SLC46A1: variants seen among roughly 807,000 people sequenced by gnomAD.
SLC46A1 encodes solute carrier family 46 member 1.
In SLC46A1, 17 loss-of-function variants were observed where a neutral mutation model predicts 32.1. That is an observed-to-expected ratio of 0.53 (90% CI 0.36 to 0.79). The LOEUF (loss-of-function observed/expected upper bound fraction) is 0.79, where lower values mean the gene tolerates loss of function less well. Ranked by LOEUF, SLC46A1 falls within the 30% of genes least tolerant of loss-of-function variation. The probability of loss-of-function intolerance (pLI) is 0.00; values close to 1 mark genes in which losing one functional copy is unlikely to be tolerated. For synonymous variants in SLC46A1, 240 were observed against 262.7 expected, an observed-to-expected ratio of 0.91 and a Z score of 0.84; for missense variants, 517 against 588.2, an observed-to-expected ratio of 0.88 and a Z score of 1.25.
chr17:28,397,874 C>T lies in SLC46A1; in HGVS notation c.*1782G>A, dbSNP rs2068149495. 6.5e-6 allele frequency: 1 copy of T among 152,906 alleles called. No individual in the cohort carries two copies. The highest frequency in any genetic ancestry group is 1.5e-5 in the Non-Finnish European group (1 of 68,576). 9.5% of individuals were successfully genotyped at this position (152,906 alleles called of 1,614,324 possible). On this transcript the variant is annotated 3_prime_UTR_variant, in exon 5 of 5. Coordinates refer to ENST00000612814, the MANE Select transcript of SLC46A1 (RefSeq NM_080669.6). Reference sequence around the variant, plus strand: ...AAAGCTGGCTGCGCCCCCAGCCCCACTCTTGGCTGTGCTGGCCAGGTGACT... The same window carrying T: ...AAAGCTGGCTGCGCCCCCAGCCCCATTCTTGGCTGTGCTGGCCAGGTGACT...
In SLC46A1 at chr17:28,396,344, G is replaced by C; in HGVS notation, c.*3312C>G. On this transcript the variant is annotated 3_prime_UTR_variant, in exon 5 of 5. Transcript: ENST00000612814. ...TCCATTTCCATCGTCCTTTCTGAAG[G>C]AACAGCTCCTGAAACCAGTCTCCCT... is the stretch of plus-strand genomic sequence containing the variant. 6.2e-7 allele frequency: 1 copy of C among 1,602,340 alleles called. No individual in the cohort carries two copies. The highest frequency in any genetic ancestry group is 8.5e-7 in the Non-Finnish European group (1 of 1,172,176).
intron 3 of SLC46A1, 126 bp downstream of exon 3, chr17:28,402,112 G>T: frequency 1.4e-6 from 1 of 735,544 alleles, no homozygotes. Flanking sequence ...TGTTTGTTTT[G>T]GCCACTTACT....
chr17:28,404,359 G>T, intron 2 of SLC46A1: 1 of 536,418 alleles, frequency 1.9e-6, no homozygotes, highest in Admixed American at 3.2e-5. Flanking sequence ...TTTGTCTTTT[G>T]CTCTATATTA....
rs782804151 is a variant in SLC46A1 at position 28,396,214 on chromosome 17, C to A, written c.*3442G>T. The A allele has an allele frequency of 1.9e-6, 3 of 1,614,016 alleles. No homozygotes were observed. The highest frequency in any genetic ancestry group is 2.5e-6 in the Non-Finnish European group (3 of 1,179,870). ...AGAAGATCATCCGCTTCCTGCAGGG[C>A]CGCTCCTCCCGGGACTCATCTGCAG... On this transcript the variant is annotated 3_prime_UTR_variant, in exon 5 of 5. Transcript: ENST00000612814.
In SLC46A1 at chr17:28,395,869, A is replaced by C; in HGVS notation, c.*3787T>G. ...TGGCTACAAGGGTCCCTAGATGGGT[A>C]CAGGGGTATCTTCCTCCTTTCCTTT... is the stretch of plus-strand genomic sequence containing the variant. On this transcript the variant is annotated 3_prime_UTR_variant, in exon 5 of 5. Coordinates refer to ENST00000612814, the MANE Select transcript of SLC46A1 (RefSeq NM_080669.6). 1 of 1,611,052 alleles carries C rather than the reference A, an allele frequency of 6.2e-7. No homozygotes were observed. Among genetic ancestry groups the C allele is most frequent in the East Asian group, 2.2e-5 (1 of 44,864 alleles).
chr17:28,401,448 A>T (rs2068196558), intron 3 of SLC46A1: 1 of 154,672 alleles, frequency 6.5e-6, no homozygotes. Context: ...TGGGCTCTGT[A>T]TGGCACCAGA....
At chr17:28,404,234 G>A (rs2068228002) in intron 2 of SLC46A1, 1 of 244,812 alleles carries the variant, frequency 4.1e-6, no homozygotes, top group Non-Finnish European at 8.2e-6. Flanking sequence ...GGTAGGTCCT[G>A]TGATTCTTAT....
intron 3 of SLC46A1, 99 bp downstream of exon 3, chr17:28,402,139 G>C (rs2068203187): frequency 9.7e-7 from 1 of 1,029,980 alleles, no homozygotes; most frequent in Non-Finnish European, 1.4e-6. Flanking sequence ...GGGTGAGAGG[G>C]GGGAAGGCAA....
In SLC46A1 at chr17:28,395,734, A is replaced by G; in HGVS notation, c.*3922T>C. 2 of 654,964 alleles carry G rather than the reference A, an allele frequency of 3.1e-6. No homozygotes were observed. The highest frequency in any genetic ancestry group is 2.6e-6 in the Non-Finnish European group (1 of 386,842). 40.6% of individuals were successfully genotyped at this position (654,964 alleles called of 1,614,324 possible). The stretch of plus-strand genomic sequence containing the variant: ...CAGGAACTCTGGGCAAAGGAAAAAT[A>G]TTTATTTTTTATTACACTACAAGGG... On this transcript the variant is annotated 3_prime_UTR_variant, in exon 5 of 5. Coordinates refer to ENST00000612814, the MANE Select transcript of SLC46A1 (RefSeq NM_080669.6).
chr17:28,400,123 G>C (rs774508059), intron 4 of SLC46A1: 3 of 231,398 alleles, frequency 1.3e-5, no homozygotes, highest in Non-Finnish European at 1.7e-5. Flanking sequence ...TTGAATTCCC[G>C]GGCTCAAGTG....
At position 28,405,072 on chromosome 17, in the gene SLC46A1, C is replaced by T; in HGVS notation, c.625G>A (p.Ala209Thr). 6.2e-7 allele frequency: 1 copy of T among 1,613,990 alleles called. No homozygotes were observed. The highest frequency in any genetic ancestry group is 1.1e-5 in the South Asian group (1 of 91,088). ...GCCAAGGCCAGCCAGAAGGGGTTGG[C>T]ATAACCCTGGGCCCGGAGCCAGTGG... ...GGHWLRAQGY[A>T]NPFWLALALL... The change falls in exon 2 of 5, where the codon GCC becomes ACC. Residue 209 changes from alanine to threonine, a missense_variant. By Grantham distance (58) the Ala-to-Thr change is moderately conservative. Transcript: ENST00000612814.
At chr17:28,401,086 C>T (rs2068192417) in intron 3 of SLC46A1, 1 of 372,418 alleles carries the variant, frequency 2.7e-6, no homozygotes, top group African/African-American at 2.1e-5. Flanking sequence ...ATGGAAATGG[C>T]TTTTTTCTGG....
chr17:28,404,698 C>T lies in SLC46A1; in HGVS notation c.999G>A (p.Trp333Ter), dbSNP rs782221502. 3 of 1,613,824 alleles carry T rather than the reference C, an allele frequency of 1.9e-6. No individual in the cohort carries two copies. Among genetic ancestry groups the T allele is most frequent in the Non-Finnish European group, 2.5e-6 (3 of 1,179,834 alleles). ...TGAAGGCCAGGCCGATCTCAGCTAC[C>T]CAGGCATCGGCCAGGCAGTACTGCA... ...KLLQYCLADA[W>*]VAEIGLAFNI... is the part of the protein sequence containing the mutation. The change falls in exon 2 of 5, where the codon TGG becomes TGA. Residue 333 changes from tryptophan to a stop codon, truncating the protein, a stop_gained. Coordinates refer to ENST00000612814, the MANE Select transcript of SLC46A1 (RefSeq NM_080669.6). LOFTEE classifies it high-confidence loss of function.
In SLC46A1 at chr17:28,400,736, T is replaced by C; in HGVS notation, c.1196A>G (p.Asn399Ser). ...GGAGGCCGTCAGCATGGCCAGGCTA[T>C]TCACACAGGCCACAGCAGAAAAGAG... ...GALFSAVACVNSLAMLTASGI... is the reference protein window; with the variant it reads ...GALFSAVACVSSLAMLTASGI... Residue 399 changes from asparagine to serine, a missense_variant, in exon 4 of 5, where the codon AAT (asparagine) becomes AGT (serine). Transcript: ENST00000612814. 2 of 1,593,796 alleles carry C rather than the reference T, an allele frequency of 1.3e-6. No individual in the cohort carries two copies. Among genetic ancestry groups the C allele is most frequent in the Non-Finnish European group, 1.7e-6 (2 of 1,170,184 alleles).
chr17:28,405,344 A>G lies in SLC46A1; in HGVS notation c.353T>C (p.Val118Ala), dbSNP rs1376687492. 1.3e-5 allele frequency: 20 copies of G among 1,590,040 alleles called. 1 individual carries two copies. Among genetic ancestry groups the G allele is most frequent in the Middle Eastern group, 1.7e-4 (1 of 6,054 alleles). Residue 118 changes from valine (V) to alanine (A), a missense_variant, in exon 2 of 5, where the codon GTG (valine) becomes GCG (alanine). Coordinates refer to ENST00000612814, the MANE Select transcript of SLC46A1 (RefSeq NM_080669.6). ...SDSVGRRPLL[V>A]LASLGLLLQA... is the part of the protein sequence containing the mutation. ...GAGCAGCAGGCCCAGCGAGGCCAGCACTAGCAGCGGGCGGCGGCCCACACT... is the reference window on the plus strand; with the variant it reads ...GAGCAGCAGGCCCAGCGAGGCCAGCGCTAGCAGCGGGCGGCGGCCCACACT...
intron 1 of SLC46A1, 45 bp downstream of exon 1, chr17:28,405,842 C>T (rs1555591236): frequency 6.6e-7 from 1 of 1,524,634 alleles, no homozygotes; most frequent in South Asian, 1.2e-5. Flanking sequence ...CCCCACGCTC[C>T]AGACCAGGGC....
Position 28,402,341 on chromosome 17 carries a change from C to T in SLC46A1, c.1082-20G>A, listed in dbSNP as rs192028857. 2 of 1,607,542 alleles carry T rather than the reference C, an allele frequency of 1.2e-6. No homozygotes were observed. Among genetic ancestry groups the T allele is most frequent in the Non-Finnish European group, 8.5e-7 (1 of 1,175,990 alleles). On this transcript the variant is annotated intron_variant, in intron 2 of 4. Coordinates refer to ENST00000612814, the MANE Select transcript of SLC46A1 (RefSeq NM_080669.6). ...CATATCCTGTGGAGAAACAAACACT[C>T]ATCAGGAAAATGGGGCTGGGGAGAG...
chr17:28,395,882 C>T lies in SLC46A1; in HGVS notation c.*3774G>A. ...CCCTAGATGGGTACAGGGGTATCTT[C>T]CTCCTTTCCTTTCTTTCTCCAGGAG... is the stretch of plus-strand genomic sequence containing the variant. On this transcript the variant is annotated 3_prime_UTR_variant, in exon 5 of 5. Coordinates refer to ENST00000612814, the MANE Select transcript of SLC46A1 (RefSeq NM_080669.6). 1 of 1,612,730 alleles carries T rather than the reference C, an allele frequency of 6.2e-7. No homozygotes were observed.
chr17:28,401,002 G>T, intron 3 of SLC46A1: 2 of 532,354 alleles, frequency 3.8e-6, no homozygotes, highest in Admixed American at 3.1e-5. Context: ...CACATTAAAA[G>T]TACATGTGAT....
Sources: gnomAD v4.1 joint callset for allele counts on GRCh38, gnomAD v4.1.1 for gene constraint, MANE v1.5 for transcripts, NCBI Gene and HGNC (gene_info 2026-07-23, HGNC 2026-07-21) for gene names.